The following MAP3K9 variants were observed in gnomAD, a reference collection of about 807,000 sequenced individuals.
MAP3K9 encodes the protein mitogen-activated protein kinase kinase kinase 9, also known as mixed lineage kinase 1 (tyr and ser/thr specificity).
A neutral mutation model predicts 95.8 loss-of-function variants in MAP3K9; 46 were observed. The observed-to-expected ratio is 0.48, with a 90% CI of 0.38 to 0.61. MAP3K9 has a LOEUF of 0.61. Ranked by LOEUF, MAP3K9 falls within the 20% of genes least tolerant of loss-of-function variation. The probability of loss-of-function intolerance (pLI) is 0.00; values close to 1 mark genes in which losing one functional copy is unlikely to be tolerated. For missense variants in MAP3K9, 1,296 were observed against 1,474.3 expected (o/e 0.88, Z 1.98); for synonymous variants, 533 against 593.8 (o/e 0.90, Z 1.49).
chr14:70,795,031 T>C (rs67164415), intron 2 of MAP3K9, among the ~76,000 whole-genome samples: 32,998 of 130,152 alleles, frequency 0.25, 4,284 homozygotes, highest in East Asian at 0.37. Flanking sequence ...ACTCACTCTG[T>C]TGCCCGGGCT....
At chr14:70,788,667 C>T (rs1158162264) in intron 2 of MAP3K9, among the ~76,000 whole-genome samples, 2 of 152,026 alleles carry the variant, frequency 1.3e-5, no homozygotes, top group African/African-American at 4.8e-5. Context: ...AATGTCTATG[C>T]GGGAAGGAGG....
chr14:70,750,995 A>C (rs1419906773), intron 3 of MAP3K9, among the ~76,000 whole-genome samples: 1 of 152,220 alleles, frequency 6.6e-6, no homozygotes. Flanking sequence ...GATTTCTTTA[A>C]ATGCCCACTA....
intron 2 of MAP3K9, among the ~76,000 whole-genome samples, chr14:70,789,716 A>G (rs2054786286): frequency 6.6e-6 from 1 of 152,214 alleles, no homozygotes; most frequent in South Asian, 2.1e-4. Flanking sequence ...TTTTCTTCTC[A>G]GATCAAAACC....
intron 2 of MAP3K9, among the ~76,000 whole-genome samples, chr14:70,793,697 A>ATT (rs972062346): frequency 6.6e-6 from 1 of 151,998 alleles, no homozygotes; most frequent in Non-Finnish European, 1.5e-5. Context: ...TTATCTATAC[A>ATT]TTTATTGAGG....
At chr14:70,759,145 T>C (rs575357620) in intron 3 of MAP3K9, among the ~76,000 whole-genome samples, 57 of 152,220 alleles carry the variant, frequency 3.7e-4, no homozygotes, top group African/African-American at 1.2e-3. Flanking sequence ...TTTTGGATGA[T>C]AAAAATGTTC....
At chr14:70,792,059 T>A (rs1005939523) in intron 2 of MAP3K9, among the ~76,000 whole-genome samples, 2 of 152,224 alleles carry the variant, frequency 1.3e-5, no homozygotes, top group Non-Finnish European at 2.9e-5. Flanking sequence ...TGAGTCCTGT[T>A]CACCCGGCTG....
Position 70,729,308 on chromosome 14 carries a change from G to A in MAP3K9, c.*1072C>T, listed in dbSNP as rs139416481. 43 of 152,320 alleles carry A rather than the reference G, an allele frequency of 2.8e-4. No homozygotes were observed. Among genetic ancestry groups the A allele is most frequent in the African/African-American group, 1.0e-3 (42 of 41,556 alleles). The allele number at this position is 152,320 out of a possible 1,614,324, so 9.4% of individuals were successfully genotyped here. A position where few individuals can be genotyped will look rare whatever the true frequency, so the allele number is the denominator to read the frequency against. On this transcript the variant is annotated 3_prime_UTR_variant, in exon 12 of 12. Transcript: ENST00000554752. ...GTGAATTCCCAAGTCCCAATGTCCA[G>A]GTGGCCATATGGTATTCTGCTTCAT...
Position 70,727,220 on chromosome 14 carries a change from GGGATGCCACA to G in MAP3K9, c.*3150_*3159del, listed in dbSNP as rs1489416609. The G allele has an allele frequency of 2.0e-5, 3 of 152,156 alleles. No individual in the cohort carries two copies. Among genetic ancestry groups the G allele is most frequent in the Non-Finnish European group, 4.4e-5 (3 of 68,042 alleles). 9.4% of individuals were successfully genotyped at this position (152,156 alleles called of 1,614,324 possible). A position where few individuals can be genotyped will look rare whatever the true frequency, so the allele number is the denominator to read the frequency against. On this transcript the variant is annotated 3_prime_UTR_variant, in exon 12 of 12. Coordinates refer to ENST00000554752, the MANE Select transcript of MAP3K9 (RefSeq NM_001284230.2). ...CTATTACTGCTACCACCAGACCCTA[GGGATGCCACA>G]GGATGCCAAGTGAAGAGGATCCGCC...
chr14:70,742,643 G>A (rs763111207), intron 5 of MAP3K9, 52 bp from the exon 6 acceptor site: 6 of 1,580,812 alleles, frequency 3.8e-6, no homozygotes, highest in South Asian at 1.2e-5. Context: ...TCAGTGCAGA[G>A]GGGCTCTGGG....
At chr14:70,733,489 T>C (rs1032295687) in intron 10 of MAP3K9, 147 bp from the exon 11 acceptor site, 41 of 604,968 alleles carry the variant, frequency 6.8e-5, no homozygotes, top group East Asian at 2.2e-4. Context: ...GGACATGGAA[T>C]TGAACACTGA....
At chr14:70,737,863 A>G (rs747105646) in intron 8 of MAP3K9, among the ~76,000 whole-genome samples, 1 of 152,124 alleles carries the variant, frequency 6.6e-6, no homozygotes, top group Non-Finnish European at 1.5e-5. Context: ...GCAAACTATA[A>G]CTGGTGGGTT....
chr14:70,779,463 G>T (rs2054645237), intron 2 of MAP3K9, among the ~76,000 whole-genome samples: 1 of 152,190 alleles, frequency 6.6e-6, no homozygotes, highest in Non-Finnish European at 1.5e-5. Flanking sequence ...CATACACGGA[G>T]AAAGAGTGGT....
intron 2 of MAP3K9, among the ~76,000 whole-genome samples, chr14:70,798,724 C>T (rs936714375): frequency 1.3e-5 from 2 of 151,696 alleles, no homozygotes; most frequent in Non-Finnish European, 2.9e-5. Context: ...GTGATCCGCC[C>T]GCCTCGGCCT....
chr14:70,735,289 G>A (rs1223905964), intron 9 of MAP3K9, among the ~76,000 whole-genome samples: 6 of 152,106 alleles, frequency 3.9e-5, no homozygotes, highest in Admixed American at 2.0e-4. Flanking sequence ...TTTCCCTAGA[G>A]GACAGTAAAA....
At chr14:70,739,625 T>C (rs1209680108) in intron 7 of MAP3K9, among the ~76,000 whole-genome samples, 1 of 151,958 alleles carries the variant, frequency 6.6e-6, no homozygotes, top group Non-Finnish European at 1.5e-5. Context: ...CAAGTTTCCT[T>C]AGGACCTATA....
At chr14:70,738,562 G>A (rs1327263967) in intron 7 of MAP3K9, among the ~76,000 whole-genome samples, 164 bp from the exon 8 acceptor site, 1 of 152,214 alleles carries the variant, frequency 6.6e-6, no homozygotes, top group Non-Finnish European at 1.5e-5. Context: ...AAGTAATGGA[G>A]TTCTCAGCCA....
intron 3 of MAP3K9, among the ~76,000 whole-genome samples, chr14:70,755,351 C>T (rs1256006186): frequency 6.6e-6 from 1 of 152,204 alleles, no homozygotes; most frequent in Non-Finnish European, 1.5e-5. Flanking sequence ...AGGAACAGGA[C>T]CATACAGATG....
At chr14:70,797,404 C>T (rs139171093) in intron 2 of MAP3K9, among the ~76,000 whole-genome samples, 1,496 of 149,078 alleles carry the variant, frequency 0.01, 10 homozygotes, top group African/African-American at 0.028. Context: ...AAGCAAGACT[C>T]CCATCTCTAT....
chr14:70,738,888 C>T (rs1387753216), intron 7 of MAP3K9, among the ~76,000 whole-genome samples: 1 of 152,022 alleles, frequency 6.6e-6, no homozygotes, highest in Non-Finnish European at 1.5e-5. Flanking sequence ...TAGAGAAAGA[C>T]AGATAAGAGA....
Sources: gnomAD v4.1 joint callset for allele counts (sites outside exome capture counted in the v4.1 genomes callset) on GRCh38, gnomAD v4.1.1 for gene constraint, MANE v1.5 for transcripts, NCBI Gene and HGNC (gene_info 2026-07-23, HGNC 2026-07-21) for gene names.